The following CCDC18 variants were observed in gnomAD, a reference collection of about 807,000 sequenced individuals.
The protein encoded by CCDC18 is coiled-coil domain-containing protein 18.
In CCDC18, 157 loss-of-function variants were observed where a neutral mutation model predicts 196.0. The observed-to-expected ratio is 0.80, with a 90% CI of 0.70 to 0.91. CCDC18 has a LOEUF of 0.91. CCDC18 is among the 40% of genes least tolerant of loss of function. The pLI, the probability that CCDC18 is intolerant of heterozygous loss-of-function variation, is 0.00. For missense variants in CCDC18, 1,465 were observed against 1,611.6 expected (o/e 0.91, Z 1.56); for synonymous variants, 482 against 529.2 (o/e 0.91, Z 1.22).
chr1:93,198,057 C>A (rs575336562), intron 6 of CCDC18, among the ~76,000 whole-genome samples: 1 of 152,170 alleles, frequency 6.6e-6, no homozygotes, highest in Admixed American at 6.5e-5. Flanking sequence ...GGCCCACTCT[C>A]CTGCATTTCT....
intron 27 of CCDC18, among the ~76,000 whole-genome samples, chr1:93,266,556 TAAA>T (rs760238593): frequency 6.6e-5 from 10 of 151,480 alleles, no homozygotes; most frequent in Non-Finnish European, 1.5e-4. Context: ...GCAAGACTAA[TAAA>T]GAAGAAAAGA....
At chr1:93,193,432 C>A (rs11164881) in intron 5 of CCDC18, among the ~76,000 whole-genome samples, 184 bp from the exon 6 acceptor site, 80,074 of 151,948 alleles carry the variant, frequency 0.53, 24,279 homozygotes, top group South Asian at 0.68. Context: ...TGGAAGTATT[C>A]TTTTATTCTT....
At chr1:93,182,848 T>C (rs1009056620) in intron 1 of CCDC18, among the ~76,000 whole-genome samples, 3 of 152,204 alleles carry the variant, frequency 2.0e-5, no homozygotes, top group African/African-American at 7.2e-5. Flanking sequence ...ATGATACCAT[T>C]TAATCAGATG....
intron 16 of CCDC18, among the ~76,000 whole-genome samples, chr1:93,224,555 C>G (rs550685904): frequency 6.6e-6 from 1 of 152,284 alleles, no homozygotes; most frequent in South Asian, 2.1e-4. Context: ...CTGATTCACC[C>G]CAGTGAATCA....
At chr1:93,180,275 G>T (rs766063042), upstream of CCDC18, 3 of 1,580,628 alleles carry the variant, frequency 1.9e-6, no homozygotes, top group Non-Finnish European at 2.6e-6. Flanking sequence ...TGAAAGAGGC[G>T]TCAGGTACTG....
intron 11 of CCDC18, among the ~76,000 whole-genome samples, chr1:93,212,841 AT>A (rs2102022178): frequency 6.6e-6 from 1 of 152,252 alleles, no homozygotes; most frequent in South Asian, 2.1e-4. Flanking sequence ...TTATTGTGCA[AT>A]TTATTTATAT....
chr1:93,187,847 C>T (rs1334487225), intron 4 of CCDC18, among the ~76,000 whole-genome samples: 2 of 152,074 alleles, frequency 1.3e-5, no homozygotes, highest in Admixed American at 1.3e-4. Context: ...GGGAAAAATG[C>T]TGTTTTTCTT....
At chr1:93,207,649 T>G (rs1654925574) in intron 9 of CCDC18, among the ~76,000 whole-genome samples, 1 of 152,162 alleles carries the variant, frequency 6.6e-6, no homozygotes, top group Admixed American at 6.5e-5. Context: ...GAAGTATCAT[T>G]TATATACCAT....
At chr1:93,252,883 G>T (rs1179038737) in intron 23 of CCDC18, among the ~76,000 whole-genome samples, 1 of 152,200 alleles carries the variant, frequency 6.6e-6, no homozygotes, top group African/African-American at 2.4e-5. Context: ...GTCTTACAAG[G>T]GCTTCAAGGT....
chr1:93,265,350 C>G (rs949673291), intron 27 of CCDC18, among the ~76,000 whole-genome samples: 1 of 152,124 alleles, frequency 6.6e-6, no homozygotes, highest in African/African-American at 2.4e-5. Context: ...TTATGGCTCA[C>G]TACAATTACG....
At chr1:93,188,865 G>A (rs199914769) in intron 4 of CCDC18, among the ~76,000 whole-genome samples, 13 of 152,170 alleles carry the variant, frequency 8.5e-5, no homozygotes, top group Admixed American at 5.2e-4. Flanking sequence ...CATAGTAGGC[G>A]TATATATTTC....
At chr1:93,248,391 A>G (rs1370402973) in intron 23 of CCDC18, among the ~76,000 whole-genome samples, 3 of 152,126 alleles carry the variant, frequency 2.0e-5, no homozygotes, top group African/African-American at 4.8e-5. Context: ...ATGCTTTTCA[A>G]TAATGCTTTT....
intron 9 of CCDC18, among the ~76,000 whole-genome samples, chr1:93,209,020 G>A (rs922576564): frequency 6.6e-6 from 1 of 152,032 alleles, no homozygotes; most frequent in Admixed American, 6.5e-5. Flanking sequence ...GTGCAATGGC[G>A]AGATCTTGGC....
At chr1:93,256,310 C>A in intron 24 of CCDC18, 25 bp from the exon 25 acceptor site, 1 of 1,594,958 alleles carries the variant, frequency 6.3e-7, no homozygotes, top group Non-Finnish European at 8.6e-7. Context: ...CATTCTGAAA[C>A]CTACAAATAC....
intron 17 of CCDC18, among the ~76,000 whole-genome samples, chr1:93,228,765 G>A (rs886804301): frequency 4.0e-5 from 6 of 150,868 alleles, no homozygotes; most frequent in Admixed American, 2.0e-4. Flanking sequence ...CCCACACTCC[G>A]CTTCATAATA....
intron 6 of CCDC18, among the ~76,000 whole-genome samples, chr1:93,198,038 A>C (rs1015006501): frequency 1.1e-4 from 17 of 151,780 alleles, no homozygotes; most frequent in African/African-American, 4.1e-4. Flanking sequence ...GGTGTGAGCC[A>C]CCGCGCCCGG....
Position 93,236,260 on chromosome 1 carries a change from G to T in CCDC18, c.2473G>T (p.Glu825Ter). Residue 825 changes from glutamate to a stop codon, truncating the protein, a stop_gained, in exon 19 of 29, where the codon GAA (glutamate) becomes TAA (stop). Transcript: ENST00000690025. LOFTEE classifies it high-confidence loss of function. The stretch of plus-strand genomic sequence containing the variant: ...ACTGCTTTACAAGGTGTCAAAACTG[G>T]AACAAGAACTTCAAAAACAAAGGGA... ...TKLEKQVSKL[E>*]QELQKQRESS... 1 of 1,572,082 alleles carries T rather than the reference G, an allele frequency of 6.4e-7. No homozygotes were observed. The highest frequency in any genetic ancestry group is 8.6e-7 in the Non-Finnish European group (1 of 1,167,720).
At chr1:93,237,550 C>G (rs921008939) in intron 19 of CCDC18, among the ~76,000 whole-genome samples, 1 of 152,092 alleles carries the variant, frequency 6.6e-6, no homozygotes, top group African/African-American at 2.4e-5. Context: ...GAAACCTGGC[C>G]CTCCCCTAAG....
chr1:93,198,291 T>C (rs1183057485), intron 6 of CCDC18, among the ~76,000 whole-genome samples: 1 of 152,178 alleles, frequency 6.6e-6, no homozygotes, highest in Non-Finnish European at 1.5e-5. Flanking sequence ...TACACATCAG[T>C]AAAAAAGAGC....
Sources: gnomAD v4.1 joint callset for allele counts (sites outside exome capture counted in the v4.1 genomes callset) on GRCh38, gnomAD v4.1.1 for gene constraint, MANE v1.5 for transcripts, NCBI Gene and HGNC (gene_info 2026-07-23, HGNC 2026-07-21) for gene names.